The following DDX10 variants were observed in gnomAD, a reference collection of about 807,000 sequenced individuals.
DDX10 encodes the protein DEAD-box helicase 10.
Under a neutral mutation model 104.3 loss-of-function variants are expected in DDX10, and 74 were observed. That is an observed-to-expected ratio of 0.71 (90% CI 0.59 to 0.86). The LOEUF is 0.86. DDX10 is among the 40% of genes least tolerant of loss of function. The pLI is 0.00. For missense variants in DDX10, 952 were observed against 1,040.0 expected, an observed-to-expected ratio of 0.92 and a Z score of 1.16; for synonymous variants, 351 against 353.4, an observed-to-expected ratio of 0.99 and a Z score of 0.08.
intron 17 of DDX10, among the ~76,000 whole-genome samples, chr11:108,928,329 T>C (rs1863934209): frequency 6.6e-6 from 1 of 152,224 alleles, no homozygotes; most frequent in East Asian, 1.9e-4. Flanking sequence ...AAACTATGCC[T>C]GATCCTGGCA....
chr11:108,773,197 G>A lies in DDX10; in HGVS notation c.1965+49735G>A, dbSNP rs184254371. Among the ~76,000 whole-genome samples the A allele has an allele frequency of 1.4e-4, 22 of 152,246 alleles. No homozygotes were observed. In the South Asian group the frequency reaches 4.4e-3, roughly 30 times the overall value. On this transcript the variant is annotated intron_variant, in intron 13 of 17. Coordinates refer to ENST00000322536, the MANE Select transcript of DDX10 (RefSeq NM_004398.4). The stretch of plus-strand genomic sequence containing the variant: ...TTGTTACTTATTGTTATGAACTTAC[G>A]ATACTGGCATAAGTGAGGAGTAAGA...
chr11:108,887,335 G>A (rs1863311148), intron 16 of DDX10, among the ~76,000 whole-genome samples: 1 of 151,862 alleles, frequency 6.6e-6, no homozygotes, highest in South Asian at 2.1e-4. Flanking sequence ...AAACAGAAAA[G>A]TAAGCATTCT....
At chr11:108,844,864 C>T (rs1862691746) in intron 15 of DDX10, among the ~76,000 whole-genome samples, 1 of 152,070 alleles carries the variant, frequency 6.6e-6, no homozygotes, top group Non-Finnish European at 1.5e-5. Context: ...TAATTTTTTT[C>T]TCCCTGACAA....
chr11:108,783,132 C>A (rs1164907548), intron 13 of DDX10, among the ~76,000 whole-genome samples: 2 of 152,118 alleles, frequency 1.3e-5, no homozygotes, highest in African/African-American at 2.4e-5. Context: ...ACTGAACTTA[C>A]CAAAATATTA....
At chr11:108,832,374 C>T (rs149032861) in intron 13 of DDX10, among the ~76,000 whole-genome samples, 12 of 152,022 alleles carry the variant, frequency 7.9e-5, no homozygotes, top group Admixed American at 3.3e-4. Context: ...CAAATCATAG[C>T]GAAATAACAA....
intron 13 of DDX10, among the ~76,000 whole-genome samples, chr11:108,757,643 C>A (rs935634897): frequency 6.6e-6 from 1 of 152,050 alleles, no homozygotes; most frequent in Non-Finnish European, 1.5e-5. Flanking sequence ...TGTGACTAGA[C>A]CCTTCGACTA....
chr11:108,840,530 T>G (rs1382936968), intron 14 of DDX10, among the ~76,000 whole-genome samples: 3 of 152,158 alleles, frequency 2.0e-5, no homozygotes, highest in African/African-American at 4.8e-5. Flanking sequence ...ATCCAGAGAT[T>G]AATTTATTTC....
chr11:108,743,375 G>T (rs74507729), intron 13 of DDX10, among the ~76,000 whole-genome samples: 1 of 151,906 alleles, frequency 6.6e-6, no homozygotes, highest in Admixed American at 6.6e-5. Context: ...AGGAATAAAC[G>T]TCAAAATAAT....
At chr11:108,741,963 C>CA (rs2094325736) in intron 13 of DDX10, among the ~76,000 whole-genome samples, 1 of 151,976 alleles carries the variant, frequency 6.6e-6, no homozygotes, top group African/African-American at 2.4e-5. Context: ...TTGAGACACA[C>CA]AAAAAAACAT....
At chr11:108,827,249 A>T (rs549009772) in intron 13 of DDX10, among the ~76,000 whole-genome samples, 1 of 152,332 alleles carries the variant, frequency 6.6e-6, no homozygotes, top group East Asian at 1.9e-4. Context: ...GGGGATACAG[A>T]TAGAATAAAA....
At chr11:108,882,852 T>C (rs143918080) in intron 16 of DDX10, among the ~76,000 whole-genome samples, 1,927 of 152,304 alleles carry the variant, frequency 0.013, 35 homozygotes, top group African/African-American at 0.043. Flanking sequence ...GCCAATGATA[T>C]GACCTTGAGC....
intron 13 of DDX10, chr11:108,822,396 G>T: frequency 2.5e-6 from 1 of 403,208 alleles, no homozygotes; most frequent in South Asian, 2.0e-5. Context: ...TCTTCTTAAT[G>T]CTGGCAAAGA....
intron 13 of DDX10, among the ~76,000 whole-genome samples, chr11:108,765,193 T>C (rs2094355143): frequency 6.6e-6 from 1 of 152,158 alleles, no homozygotes; most frequent in Admixed American, 6.5e-5. Flanking sequence ...GGAACAAATA[T>C]AACAGTCTAT....
chr11:108,938,363 C>T (rs1225418517), intron 17 of DDX10, among the ~76,000 whole-genome samples: 1 of 151,286 alleles, frequency 6.6e-6, no homozygotes, highest in Non-Finnish European at 1.5e-5. Context: ...CCACCTATTT[C>T]CTGCAGGGCA....
chr11:108,921,558 CCTCT>C (rs1565319649), intron 17 of DDX10: 3 of 152,216 alleles, frequency 2.0e-5, no homozygotes, highest in Non-Finnish European at 4.4e-5. Flanking sequence ...AGTACTCCAG[CCTCT>C]TGGACATCAT....
At chr11:108,716,455 A>T (rs2094291594) in intron 11 of DDX10, among the ~76,000 whole-genome samples, 1 of 152,140 alleles carries the variant, frequency 6.6e-6, no homozygotes, top group Admixed American at 6.5e-5. Flanking sequence ...GATTGGGAAA[A>T]ATCATCGTAA....
chr11:108,940,326 A>G lies in DDX10; in HGVS notation c.2531A>G (p.Lys844Arg). ...GTGGGACCAACAAGTCATAACAGAA[A>G]GAAGGCCAGGTGGGACACTTTAGAG... Reference protein sequence around the residue: ...EDVGPTSHNRKKARWDTLEPL... With the variant: ...EDVGPTSHNRRKARWDTLEPL... The change falls in exon 18 of 18, where the codon AAG becomes AGG. Residue 844 changes from lysine (K) to arginine (R), a missense_variant. Around this residue, in one of 3 missense-constraint regions of DDX10, gnomAD observed 533 missense variants for 534.1 expected, o/e 1.00. Coordinates refer to ENST00000322536, the MANE Select transcript of DDX10 (RefSeq NM_004398.4). 3 of 1,614,078 alleles carry G rather than the reference A, an allele frequency of 1.9e-6. No individual in the cohort carries two copies. The highest frequency in any genetic ancestry group is 1.3e-5 in the African/African-American group (1 of 75,028).
chr11:108,758,944 G>T (rs1213487282), intron 13 of DDX10, among the ~76,000 whole-genome samples: 1 of 151,790 alleles, frequency 6.6e-6, no homozygotes, highest in Non-Finnish European at 1.5e-5. Context: ...CCATTCAGTT[G>T]CTCTAGTTAA....
intron 16 of DDX10, among the ~76,000 whole-genome samples, chr11:108,902,603 T>C (rs1003042113): frequency 1.3e-5 from 2 of 152,224 alleles, no homozygotes; most frequent in African/African-American, 4.8e-5. Context: ...AGGATTTTTT[T>C]TCTCTCATTG....
Sources: allele counts gnomAD v4.1 joint callset (sites outside exome capture counted in the v4.1 genomes callset), GRCh38; gene constraint gnomAD v4.1.1; regional missense constraint gnomAD v4.1.1; transcripts MANE v1.5; gene names NCBI Gene and HGNC (gene_info 2026-07-23, HGNC 2026-07-21).